The following FAT3 variants were observed in gnomAD, a reference collection of about 807,000 sequenced individuals.
FAT3 encodes the protein protocadherin Fat 3.
Under a neutral mutation model 310.2 loss-of-function variants are expected in FAT3, and 95 were observed. The observed-to-expected ratio is 0.31, with a 90% confidence interval of 0.26 to 0.36. The LOEUF (loss-of-function observed/expected upper bound fraction) is 0.36, where lower values mean the gene tolerates loss of function less well. FAT3 is among the 10% of genes least tolerant of loss of function. The pLI is 1.00. For synonymous variants in FAT3, 2,314 were observed against 2,192.9 expected, an observed-to-expected ratio of 1.06 and a Z score of -1.54; for missense variants, 5,408 against 5,715.6, an observed-to-expected ratio of 0.95 and a Z score of 1.74.
intron 3 of FAT3, among the ~76,000 whole-genome samples, chr11:92,571,947 A>T (rs1300699042): frequency 6.6e-6 from 1 of 152,164 alleles, no homozygotes; most frequent in Non-Finnish European, 1.5e-5. Context: ...TTAACATTTC[A>T]CTGTCCCATA....
intron 2 of FAT3, among the ~76,000 whole-genome samples, chr11:92,522,919 TG>T (rs947364468): frequency 7.9e-5 from 12 of 152,208 alleles, no homozygotes; most frequent in Non-Finnish European, 1.5e-4. Context: ...GACTGCATTG[TG>T]TGCTATGGGC....
At chr11:92,398,000 C>G (rs1321484026) in intron 2 of FAT3, among the ~76,000 whole-genome samples, 5 of 152,064 alleles carry the variant, frequency 3.3e-5, no homozygotes, top group East Asian at 3.9e-4. Context: ...AATGTATTGT[C>G]TGACAGTTCT....
chr11:92,571,291 G>A (rs1050363310), intron 3 of FAT3, among the ~76,000 whole-genome samples: 7 of 152,126 alleles, frequency 4.6e-5, no homozygotes, highest in African/African-American at 1.2e-4. Context: ...AGGATGGCAT[G>A]TACTCTCCCA....
intron 2 of FAT3, among the ~76,000 whole-genome samples, chr11:92,454,049 A>G (rs1256798775): frequency 6.6e-6 from 1 of 152,222 alleles, no homozygotes; most frequent in Non-Finnish European, 1.5e-5. Context: ...AAAATGTTCT[A>G]TTTAACTCCC....
chr11:92,621,307 A>G (rs1339168014), intron 3 of FAT3, among the ~76,000 whole-genome samples: 1 of 152,206 alleles, frequency 6.6e-6, no homozygotes. Flanking sequence ...TAGGAGAATT[A>G]TTTATATTAT....
At chr11:92,393,391 A>G (rs1269231070) in intron 2 of FAT3, among the ~76,000 whole-genome samples, 1 of 152,150 alleles carries the variant, frequency 6.6e-6, no homozygotes, top group African/African-American at 2.4e-5. Context: ...TTATGCCACC[A>G]TTTGGATGTC....
chr11:92,803,056 C>A (rs1407577390), intron 10 of FAT3, among the ~76,000 whole-genome samples: 1 of 151,714 alleles, frequency 6.6e-6, no homozygotes. Context: ...TGTATTTCTG[C>A]AGTTAAAACA....
intron 7 of FAT3, among the ~76,000 whole-genome samples, chr11:92,784,979 T>C (rs1166134569): frequency 2.0e-5 from 3 of 151,874 alleles, no homozygotes; most frequent in Admixed American, 6.6e-5. Flanking sequence ...ATTCAAAGAA[T>C]CTAGTATGGT....
rs1253034240 is a variant in FAT3 at position 92,801,904 on chromosome 11, T to C, written c.8891T>C (p.Ile2964Thr). 6.2e-7 allele frequency: 1 copy of C among 1,612,344 alleles called. No individual in the cohort carries two copies. Among genetic ancestry groups the C allele is most frequent in the Non-Finnish European group, 8.5e-7 (1 of 1,178,880 alleles). ...GTTAATCGCCAAGTGAGCTACCATA[T>C]TACAGGTGAGTAAATACCCCCAGTT... Reference protein sequence around the residue: ...SDVNRQVSYHITGGNPRGRFA... With the variant: ...SDVNRQVSYHTTGGNPRGRFA... Residue 2964 changes from isoleucine to threonine, a missense_variant, in exon 10 of 28, where the codon ATT becomes ACT. Coordinates refer to ENST00000525166, the MANE Select transcript of FAT3 (RefSeq NM_001367949.2).
At chr11:92,506,136 C>T (rs531018957) in intron 2 of FAT3, among the ~76,000 whole-genome samples, 1 of 152,268 alleles carries the variant, frequency 6.6e-6, no homozygotes, top group South Asian at 2.1e-4. Context: ...GAATGGTCTC[C>T]TTGAACTCTA....
intron 1 of FAT3, among the ~76,000 whole-genome samples, chr11:92,294,429 CT>C (rs972255654): frequency 6.6e-6 from 1 of 152,022 alleles, no homozygotes; most frequent in African/African-American, 2.4e-5. Flanking sequence ...TAGGTGCTGA[CT>C]TTTGTTGTAC....
chr11:92,380,632 C>T (rs938355437), intron 2 of FAT3, among the ~76,000 whole-genome samples: 1 of 152,160 alleles, frequency 6.6e-6, no homozygotes, highest in Non-Finnish European at 1.5e-5. Context: ...CACCCTCAGG[C>T]CAGCTCTCTA....
At position 92,801,430 on chromosome 11, in the gene FAT3, A is replaced by G. The variant is rs957295850; in HGVS notation, c.8417A>G (p.Asp2806Gly). The change falls in exon 10 of 28, where the codon GAT (aspartate) becomes GGT (glycine). Residue 2806 changes from aspartate to glycine, a missense_variant. This residue lies in a region of FAT3 where 4,588 missense variants were observed against 4,809.8 expected (regional missense o/e 0.95). Transcript: ENST00000525166. ...FTVDVDIKVL[D>G]LNDNKPVFET... ...GTGGATGTAGATATCAAGGTATTGG[A>G]TTTGAATGACAACAAGCCAGTCTTT... is the stretch of plus-strand genomic sequence containing the variant. 6.2e-7 allele frequency: 1 copy of G among 1,613,792 alleles called. No individual in the cohort carries two copies. The highest frequency in any genetic ancestry group is 1.7e-5 in the Admixed American group (1 of 60,004).
At chr11:92,810,931 G>A (rs1453401801) in intron 13 of FAT3, among the ~76,000 whole-genome samples, 1 of 152,174 alleles carries the variant, frequency 6.6e-6, no homozygotes, top group African/African-American at 2.4e-5. Context: ...ATAATTCAGT[G>A]TCATATTGCT....
rs59836535 is a variant in FAT3, at chr11:92,421,377, G to A, written c.3292+65973G>A. Among the ~76,000 whole-genome samples, 1,327 of 152,212 alleles carry A rather than the reference G, an allele frequency of 8.7e-3. 14 individuals are homozygous for A. The highest frequency in any genetic ancestry group is 0.031 in the African/African-American group (1,285 of 41,528). On this transcript the variant is annotated intron_variant, in intron 2 of 27. Transcript: ENST00000525166. ...TCTGCAAAATTAGAGAAGATGTCTG[G>A]TTCTGTATTAGGAGGTTTTAATTTG...
intron 11 of FAT3, among the ~76,000 whole-genome samples, chr11:92,805,746 T>C (rs1186680568): frequency 6.6e-6 from 1 of 152,192 alleles, no homozygotes; most frequent in Non-Finnish European, 1.5e-5. Flanking sequence ...ATGTTGGTGC[T>C]GAACACTGGT....
At chr11:92,704,106 C>A (rs1009854457) in intron 4 of FAT3, among the ~76,000 whole-genome samples, 3 of 152,174 alleles carry the variant, frequency 2.0e-5, no homozygotes, top group Admixed American at 6.5e-5. Context: ...CATCTTTTCT[C>A]GCTCTCATTT....
intron 3 of FAT3, among the ~76,000 whole-genome samples, chr11:92,667,024 A>C (rs1208570704): frequency 2.0e-5 from 3 of 152,246 alleles, no homozygotes; most frequent in East Asian, 3.9e-4. Flanking sequence ...GAAGAAGCGG[A>C]AACCAGCTAC....
At chr11:92,628,763 A>C (rs1941433469) in intron 3 of FAT3, among the ~76,000 whole-genome samples, 2 of 152,208 alleles carry the variant, frequency 1.3e-5, no homozygotes, top group Non-Finnish European at 2.9e-5. Flanking sequence ...TTGTAATATC[A>C]TTCACAGTTG....
Sources: allele counts gnomAD v4.1 joint callset (sites outside exome capture counted in the v4.1 genomes callset), GRCh38; gene constraint gnomAD v4.1.1; regional missense constraint gnomAD v4.1.1; transcripts MANE v1.5; gene names NCBI Gene and HGNC (gene_info 2026-07-23, HGNC 2026-07-21).